ASTN2: variants seen among roughly 807,000 people sequenced by gnomAD.
ASTN2 encodes the protein astrotactin 2.
A neutral mutation model predicts 139.8 loss-of-function variants in ASTN2; 54 were observed. The ratio of observed to expected loss-of-function variants is 0.39; its 90% CI spans 0.31 to 0.48. ASTN2 has a LOEUF of 0.48. ASTN2 is among the 20% of genes least tolerant of loss of function. The pLI is 0.95. For missense variants in ASTN2, 1,565 were observed against 1,725.1 expected (o/e 0.91, Z 1.64); for synonymous variants, 756 against 719.5 (o/e 1.05, Z -0.81).
chr9:117,097,036 A>C (rs2132756395), intron 4 of ASTN2, among the ~76,000 whole-genome samples: 1 of 152,310 alleles, frequency 6.6e-6, no homozygotes, highest in South Asian at 2.1e-4. Flanking sequence ...TGAATTGGCC[A>C]GCCATGGTAT....
chr9:116,907,823 G>C (rs1021834685), intron 10 of ASTN2, among the ~76,000 whole-genome samples: 2 of 152,172 alleles, frequency 1.3e-5, no homozygotes, highest in African/African-American at 4.8e-5. Flanking sequence ...CTATGCTGCA[G>C]GACGTGGGTC....
rs11556350 is a variant in ASTN2, at chr9:116,697,948, G to A, written c.2806+27823C>T. ...TGTCCCTTTTGCAGCAAGATTACCC[G>A]CATAACCAGCTTGACCCAGCTGACA... is the stretch of plus-strand genomic sequence containing the variant. On this transcript the variant is annotated intron_variant, in intron 16 of 22. Transcript: ENST00000313400. The A allele has an allele frequency of 2.8e-5, 45 of 1,614,038 alleles. No individual in the cohort carries two copies. Among genetic ancestry groups the A allele is most frequent in the East Asian group, 2.7e-4 (12 of 44,876 alleles).
At chr9:117,298,975 C>T (rs910421064) in intron 1 of ASTN2, among the ~76,000 whole-genome samples, 4 of 152,026 alleles carry the variant, frequency 2.6e-5, no homozygotes, top group East Asian at 1.9e-4. Context: ...GATTCCCATA[C>T]AGCAACTCTA....
intron 19 of ASTN2, among the ~76,000 whole-genome samples, chr9:116,496,392 A>G (rs1375663469): frequency 6.6e-6 from 1 of 152,138 alleles, no homozygotes; most frequent in African/African-American, 2.4e-5. Flanking sequence ...GCTTAAGAAC[A>G]ATGGCTTGGG....
intron 10 of ASTN2, among the ~76,000 whole-genome samples, chr9:116,940,897 T>G (rs1196392788): frequency 6.6e-6 from 1 of 152,188 alleles, no homozygotes; most frequent in Non-Finnish European, 1.5e-5. Flanking sequence ...TTAAAATTTC[T>G]ACTGTCCCTG....
At position 116,805,712 on chromosome 9, in the gene ASTN2, G is replaced by C. The variant is rs762054436; in HGVS notation, c.2316C>G (p.Thr772=). The change falls in exon 13 of 23, where the codon ACC becomes ACG. Residue 772 remains threonine (T), a synonymous_variant. Transcript: ENST00000313400. The part of the protein sequence containing the change: ...CLKPDSKFND[T]LFGEMLHGYN... ...AACCATGTAGCATCTCTCCAAAGAG[G>C]GTATCATTGAATTTGGAGTCAGGTT... 6.2e-7 allele frequency: 1 copy of C among 1,613,770 alleles called. No homozygotes were observed. The highest frequency in any genetic ancestry group is 8.5e-7 in the Non-Finnish European group (1 of 1,179,856).
At chr9:116,494,422 T>A (rs1009519333) in intron 19 of ASTN2, among the ~76,000 whole-genome samples, 1 of 152,164 alleles carries the variant, frequency 6.6e-6, no homozygotes, top group Non-Finnish European at 1.5e-5. Context: ...GAATAATTTG[T>A]CTGATGGCAA....
At chr9:116,591,065 G>C (rs917502553) in intron 19 of ASTN2, among the ~76,000 whole-genome samples, 1 of 152,168 alleles carries the variant, frequency 6.6e-6, no homozygotes. Context: ...CCAAATGGCA[G>C]GGCTGAAAAA....
intron 4 of ASTN2, among the ~76,000 whole-genome samples, chr9:117,097,469 G>T (rs1418565808): frequency 2.0e-5 from 3 of 152,086 alleles, no homozygotes; most frequent in South Asian, 2.1e-4. Flanking sequence ...GGATGTTGGG[G>T]GTGAGTAGAT....
At chr9:116,948,671 G>A (rs1835465044) in intron 10 of ASTN2, among the ~76,000 whole-genome samples, 1 of 145,054 alleles carries the variant, frequency 6.9e-6, no homozygotes, top group Admixed American at 7.1e-5. Flanking sequence ...AGCCCTTTCA[G>A]TAGATAGAGT....
chr9:117,209,685 T>C lies in ASTN2; in HGVS notation c.1015+4673A>G, dbSNP rs149065090. On this transcript the variant is annotated intron_variant, in intron 3 of 22. Coordinates refer to ENST00000313400, the MANE Select transcript of ASTN2 (RefSeq NM_001365068.1). ...CAACAAAGAAAGATCATATTTAAACTTCACTATAGACCAAATGGATGTGAT... is the reference window on the plus strand; with the variant it reads ...CAACAAAGAAAGATCATATTTAAACCTCACTATAGACCAAATGGATGTGAT... 2.0e-3 allele frequency among the ~76,000 whole-genome samples: 297 copies of C among 152,222 alleles called. 3 individuals carry two copies. Among genetic ancestry groups the C allele is most frequent in the African/African-American group, 6.9e-3 (288 of 41,552 alleles).
chr9:116,813,767 G>T (rs1253229350), intron 12 of ASTN2, among the ~76,000 whole-genome samples: 1 of 152,108 alleles, frequency 6.6e-6, no homozygotes, highest in Non-Finnish European at 1.5e-5. Flanking sequence ...AAGTGCGATG[G>T]CTCATGCCTA....
chr9:117,078,843 C>A (rs923794849), intron 5 of ASTN2, among the ~76,000 whole-genome samples: 1 of 152,186 alleles, frequency 6.6e-6, no homozygotes, highest in Non-Finnish European at 1.5e-5. Flanking sequence ...TCAAGTGATT[C>A]TCCTGCCTCG....
intron 10 of ASTN2, among the ~76,000 whole-genome samples, chr9:116,939,399 A>C (rs1835165885): frequency 6.6e-6 from 1 of 151,934 alleles, no homozygotes; most frequent in Non-Finnish European, 1.5e-5. Context: ...TTGTTATTTA[A>C]AAAATTTATT....
intron 10 of ASTN2, among the ~76,000 whole-genome samples, chr9:116,964,440 A>C (rs549028716): frequency 1.3e-4 from 20 of 152,280 alleles, no homozygotes; most frequent in African/African-American, 4.8e-4. Flanking sequence ...AATTGAAAGT[A>C]TGGCCTGTTT....
chr9:117,140,211 G>A (rs1381961263), intron 4 of ASTN2, among the ~76,000 whole-genome samples: 1 of 152,156 alleles, frequency 6.6e-6, no homozygotes, highest in Admixed American at 6.5e-5. Context: ...AGCATGGCAT[G>A]GGAAACAGCA....
At chr9:117,315,930 G>A (rs1024231940) in intron 1 of ASTN2, among the ~76,000 whole-genome samples, 2 of 152,194 alleles carry the variant, frequency 1.3e-5, no homozygotes, top group African/African-American at 4.8e-5. Context: ...GCAGATGGTA[G>A]TCATAATAGG....
chr9:116,994,959 T>C (rs1046093355), intron 7 of ASTN2, among the ~76,000 whole-genome samples: 2 of 152,190 alleles, frequency 1.3e-5, no homozygotes, highest in African/African-American at 2.4e-5. Flanking sequence ...CCTCCAAGGA[T>C]TGCCATGTTG....
At chr9:116,654,238 C>A (rs1055273299) in intron 16 of ASTN2, among the ~76,000 whole-genome samples, 2 of 152,154 alleles carry the variant, frequency 1.3e-5, no homozygotes, top group African/African-American at 4.8e-5. Flanking sequence ...AACACAGCCA[C>A]CCCCATTCAT....
Sources: allele counts gnomAD v4.1 joint callset (sites outside exome capture counted in the v4.1 genomes callset), GRCh38; gene constraint gnomAD v4.1.1; transcripts MANE v1.5; gene names NCBI Gene and HGNC (gene_info 2026-07-23, HGNC 2026-07-21).